Variants in IP6K3 observed in about 807,000 individuals in gnomAD.
The protein encoded by IP6K3 is ATP:1D-myo-inositol-hexakisphosphate phosphotransferase.
Under a neutral mutation model 28.8 loss-of-function variants are expected in IP6K3, and 20 were observed. That is an observed-to-expected ratio of 0.70 (90% confidence interval 0.49 to 1.01). The LOEUF is 1.01. Ranked by LOEUF, IP6K3 falls within the 50% of genes least tolerant of loss-of-function variation. The pLI, the probability that IP6K3 is intolerant of heterozygous loss-of-function variation, is 0.00. For missense variants in IP6K3, 480 were observed against 537.1 expected (o/e 0.89, Z 1.05); for synonymous variants, 213 against 221.3 (o/e 0.96, Z 0.33).
chr6:33,722,990 G>A lies in IP6K3; in HGVS notation c.963C>T (p.Phe321=). 6.2e-7 allele frequency: 1 copy of A among 1,614,088 alleles called. No homozygotes were observed. Among genetic ancestry groups the A allele is most frequent in the Non-Finnish European group, 8.5e-7 (1 of 1,180,022 alleles). ...SVIRSQSSYR[F]YSSSLLVIYD... ...AGATGACAAGGAGAGAGCTGGAATA[G>A]AAGCGGTATGAACTCTGGCTCCTAA... The change falls in exon 6 of 6, where the codon TTC becomes TTT. Residue 321 remains phenylalanine, a synonymous_variant. Transcript: ENST00000293756.
chr6:33,743,850 G>A (rs990972157), intron 1 of IP6K3, among the ~76,000 whole-genome samples: 2 of 151,050 alleles, frequency 1.3e-5, no homozygotes. Flanking sequence ...TATCCTTTGA[G>A]AGGGTTTTTT....
rs548507300 is a variant in IP6K3, at chr6:33,737,242, A to C, written c.-179-1587T>G. Among the ~76,000 whole-genome samples the C allele has an allele frequency of 7.2e-5, 11 of 152,290 alleles. No homozygotes were observed. The South Asian group carries it at 2.3e-3, about 32-fold the overall frequency. ...AAAGACGTCCTGACTTTGTCTCAGG[A>C]GAGTGCGAAGGAGACACTGCAAGGG... On this transcript the variant is annotated intron_variant, in intron 1 of 5. Coordinates refer to ENST00000293756, the MANE Select transcript of IP6K3 (RefSeq NM_054111.5).
In IP6K3 at chr6:33,735,616, C is replaced by T. The variant is rs1357883289; in HGVS notation, c.-140G>A. ...TTCTTGGCCTTTATTGCTGTCATAG[C>T]GCAGTTGTCCTCCTGTCTGTGGGTT... On this transcript the variant is annotated 5_prime_UTR_variant, in exon 2 of 6. Coordinates refer to ENST00000293756, the MANE Select transcript of IP6K3 (RefSeq NM_054111.5). 2.0e-6 allele frequency: 3 copies of T among 1,465,446 alleles called. No individual in the cohort carries two copies. The highest frequency in any genetic ancestry group is 1.8e-6 in the Non-Finnish European group (2 of 1,114,232). 90.8% of individuals were successfully genotyped at this position (1,465,446 alleles called of 1,614,324 possible).
intron 1 of IP6K3, among the ~76,000 whole-genome samples, chr6:33,745,919 A>G (rs1437648639): frequency 6.6e-6 from 1 of 152,152 alleles, no homozygotes; most frequent in Non-Finnish European, 1.5e-5. Context: ...CATTCCCTCT[A>G]TTTGTATGCT....
In IP6K3 at chr6:33,723,027, AG is replaced by A; in HGVS notation, c.925del (p.Leu309SerfsTer59). 1 of 1,614,106 alleles carries A rather than the reference AG, an allele frequency of 6.2e-7. No individual in the cohort carries two copies. The highest frequency in any genetic ancestry group is 8.5e-7 in the Non-Finnish European group (1 of 1,180,014). On this transcript the variant is annotated frameshift_variant, in exon 6 of 6. Transcript: ENST00000293756. LOFTEE classifies it low-confidence loss of function (END_TRUNC). ...ACTCTGGCTCCTAATGACAGAGAGG[AG>A]GGCCCGGAGCTGGTGCAGGATGGGC... ...LEPILHQLRA[L>X]LSVIRSQSSY...
Position 33,722,365 on chromosome 6 carries a change from G to A in IP6K3, c.*355C>T, listed in dbSNP as rs972299331. 8 of 184,968 alleles carry A rather than the reference G, an allele frequency of 4.3e-5. No individual in the cohort carries two copies. Among genetic ancestry groups the A allele is most frequent in the East Asian group, 1.4e-4 (1 of 7,336 alleles). 11.5% of individuals were successfully genotyped at this position (184,968 alleles called of 1,614,324 possible). A position where few individuals can be genotyped will look rare whatever the true frequency, so the allele number is the denominator to read the frequency against. Reference sequence around the variant, plus strand: ...AAGTTTTCTGCCTCACAGCTTGTGCGGACTGCAGCATGGCAACGAGTAAAC... The same window carrying A: ...AAGTTTTCTGCCTCACAGCTTGTGCAGACTGCAGCATGGCAACGAGTAAAC... On this transcript the variant is annotated 3_prime_UTR_variant, in exon 6 of 6. Transcript: ENST00000293756.
intron 1 of IP6K3, among the ~76,000 whole-genome samples, chr6:33,735,906 C>T (rs777123428): frequency 2.0e-5 from 3 of 152,210 alleles, no homozygotes; most frequent in East Asian, 1.9e-4. Context: ...CTTGCTCTGT[C>T]GCCCAGGCTG....
In IP6K3 at chr6:33,732,706, G is replaced by A. The variant is rs113275368; in HGVS notation, c.199+2572C>T. 3.8e-3 allele frequency among the ~76,000 whole-genome samples: 582 copies of A among 152,320 alleles called. 4 individuals are homozygous for A. The highest frequency in any genetic ancestry group is 6.2e-3 in the Non-Finnish European group (425 of 68,028). ...CCTCATCTATGACAGGGCGGATAAAGGTCCCTGCCTCAGTGTGCTGCGAGG... is the reference window on the plus strand; with the variant it reads ...CCTCATCTATGACAGGGCGGATAAAAGTCCCTGCCTCAGTGTGCTGCGAGG... On this transcript the variant is annotated intron_variant, in intron 2 of 5. Coordinates refer to ENST00000293756, the MANE Select transcript of IP6K3 (RefSeq NM_054111.5).
chr6:33,739,476 C>A (rs1766644329), intron 1 of IP6K3, among the ~76,000 whole-genome samples: 1 of 151,896 alleles, frequency 6.6e-6, no homozygotes, highest in African/African-American at 2.4e-5. Context: ...TGGGGCTGGG[C>A]AGGGTGGGTT....
In IP6K3 at chr6:33,723,031, C is replaced by T; in HGVS notation, c.922G>A (p.Ala308Thr). 6.2e-7 allele frequency: 1 copy of T among 1,614,104 alleles called. No homozygotes were observed. The highest frequency in any genetic ancestry group is 1.7e-4 in the Middle Eastern group (1 of 6,060). The change falls in exon 6 of 6, where the codon GCC becomes ACC. Residue 308 changes from alanine to threonine, a missense_variant. Coordinates refer to ENST00000293756, the MANE Select transcript of IP6K3 (RefSeq NM_054111.5). ...LLEPILHQLRALLSVIRSQSS... is the reference protein window; with the variant it reads ...LLEPILHQLRTLLSVIRSQSS... Reference sequence around the variant, plus strand: ...TGGCTCCTAATGACAGAGAGGAGGGCCCGGAGCTGGTGCAGGATGGGCTCC... The same window carrying T: ...TGGCTCCTAATGACAGAGAGGAGGGTCCGGAGCTGGTGCAGGATGGGCTCC...
rs759535840 is a variant in IP6K3 at position 33,744,602 on chromosome 6, A to T, written c.-180+2156T>A. On this transcript the variant is annotated intron_variant, in intron 1 of 5. Transcript: ENST00000293756. This position sits in a 1 kb window ranked among gnomAD's most constrained non-coding sequence, Gnocchi z 4.4. ...AGCAGCACACACGTTGAGGCCCCAA[A>T]TGCCTGAGAGGGATTAACTGGAAAC... Among the ~76,000 whole-genome samples the T allele has an allele frequency of 6.6e-6, 1 of 152,028 alleles. No individual in the cohort carries two copies. The highest frequency in any genetic ancestry group is 1.5e-5 in the Non-Finnish European group (1 of 68,020).
the IP6K3 span, among the ~76,000 whole-genome samples, chr6:33,755,483 G>A: frequency 6.6e-6 from 1 of 152,264 alleles, no homozygotes; most frequent in African/African-American, 2.4e-5. Flanking sequence ...AGACTGAATT[G>A]GAGGTGACCA....
At chr6:33,758,117 A>C in the IP6K3 span, among the ~76,000 whole-genome samples, 4 of 152,174 alleles carry the variant, frequency 2.6e-5, no homozygotes, top group Non-Finnish European at 5.9e-5. Flanking sequence ...GGTGCCGCCA[A>C]AGGAACAACA....
At chr6:33,734,087 C>T (rs796107526) in intron 2 of IP6K3, among the ~76,000 whole-genome samples, 13 of 151,978 alleles carry the variant, frequency 8.6e-5, no homozygotes, top group African/African-American at 3.1e-4. Context: ...CCTGTAATCC[C>T]AGTTACTCCG....
At chr6:33,754,943 C>G in the IP6K3 span, among the ~76,000 whole-genome samples, 1 of 152,220 alleles carries the variant, frequency 6.6e-6, no homozygotes, top group Admixed American at 6.5e-5. Flanking sequence ...CCCTTGATTG[C>G]ACAGATGAGG....
the IP6K3 span, among the ~76,000 whole-genome samples, chr6:33,759,599 C>T: frequency 2.0e-5 from 3 of 152,144 alleles, no homozygotes; most frequent in Non-Finnish European, 4.4e-5. Flanking sequence ...CGTGGTGGCT[C>T]ATGCCTATAA....
the IP6K3 span, among the ~76,000 whole-genome samples, chr6:33,753,134 T>C: frequency 6.6e-6 from 1 of 152,096 alleles, no homozygotes; most frequent in African/African-American, 2.4e-5. Context: ...CCTAGGCTGG[T>C]CTGGAACTCC....
Position 33,738,493 on chromosome 6 carries a change from G to C in IP6K3, c.-179-2838C>G, listed in dbSNP as rs530202441. ...TGGTTACATGCATACAGCGCTTGCT[G>C]TAGCCATGTTCTAGTGCTTTGTATA... On this transcript the variant is annotated intron_variant, in intron 1 of 5. Transcript: ENST00000293756. Among the ~76,000 whole-genome samples the C allele has an allele frequency of 9.9e-4, 150 of 152,230 alleles. 1 individual carries two copies. The highest frequency in any genetic ancestry group is 7.0e-3 in the Admixed American group (107 of 15,292).
rs1332206890 is a variant in IP6K3 at position 33,721,883 on chromosome 6, C to A, written c.*837G>T. On this transcript the variant is annotated 3_prime_UTR_variant, in exon 6 of 6. Coordinates refer to ENST00000293756, the MANE Select transcript of IP6K3 (RefSeq NM_054111.5). ...CAGGTTCTTCTGACTCCCCAACCCA[C>A]CCCCAAAATAAATAAATAGAAAGCA... is the stretch of plus-strand genomic sequence containing the variant. 1 of 152,540 alleles carries A rather than the reference C, an allele frequency of 6.6e-6. No individual in the cohort carries two copies. Among genetic ancestry groups the A allele is most frequent in the Non-Finnish European group, 1.5e-5 (1 of 68,014 alleles). 9.4% of individuals were successfully genotyped at this position (152,540 alleles called of 1,614,324 possible).
Sources: allele counts gnomAD v4.1 joint callset (sites outside exome capture counted in the v4.1 genomes callset), GRCh38; gene constraint gnomAD v4.1.1; non-coding constraint Gnocchi (gnomAD v3.1); transcripts MANE v1.5; gene names NCBI Gene and HGNC (gene_info 2026-07-23, HGNC 2026-07-21).